FABP4: variants seen among roughly 807,000 people sequenced by gnomAD.
The protein encoded by FABP4 is fatty acid-binding protein, adipocyte.
A neutral mutation model predicts 14.6 loss-of-function variants in FABP4; 17 were observed. That is an observed-to-expected ratio of 1.16 (90% CI 0.80 to 1.74). The LOEUF is 1.74. FABP4 is among the 40% of genes most tolerant of loss of function. FABP4 has a pLI of 0.00. For missense variants in FABP4, 149 were observed against 160.3 expected (o/e 0.93, Z 0.38); for synonymous variants, 54 against 54.6 (o/e 0.99, Z 0.05).
chr8:81,482,786 G>A (rs1273032666), intron 1 of FABP4, among the ~76,000 whole-genome samples: 3 of 152,118 alleles, frequency 2.0e-5, no homozygotes, highest in African/African-American at 7.2e-5. Flanking sequence ...CAGGCAAAGA[G>A]CTAAGTAAAC....
Position 81,478,831 on chromosome 8 carries a change from A to G in FABP4, c.*34T>C. The stretch of plus-strand genomic sequence containing the variant: ...ATCCCACAGAATGTTGTAGAGTTCA[A>G]TGCGAACTTCAGTCCAGGTCAACGT... On this transcript the variant is annotated 3_prime_UTR_variant, in exon 4 of 4. Coordinates refer to ENST00000256104, the MANE Select transcript of FABP4 (RefSeq NM_001442.3). 6.3e-7 allele frequency: 1 copy of G among 1,592,524 alleles called. No individual in the cohort carries two copies.
At chr8:81,482,720 C>T (rs530281019) in intron 1 of FABP4, among the ~76,000 whole-genome samples, 1 of 152,220 alleles carries the variant, frequency 6.6e-6, no homozygotes, top group South Asian at 2.1e-4. Flanking sequence ...TTATTGCATA[C>T]TAACTTTTTT....
At chr8:81,479,358 G>T in intron 3 of FABP4, 56 bp downstream of exon 3, 1 of 1,331,752 alleles carries the variant, frequency 7.5e-7, no homozygotes, top group Non-Finnish European at 1.1e-6. Context: ...GTGGAATAGT[G>T]ATCATGAGAT....
chr8:81,480,737 C>T, intron 1 of FABP4, 139 bp from the exon 2 acceptor site: 1 of 521,398 alleles, frequency 1.9e-6, no homozygotes, highest in Non-Finnish European at 3.1e-6. Flanking sequence ...CTAATTTAAA[C>T]AGCTCCTGCA....
intron 1 of FABP4, 87 bp from the exon 2 acceptor site, chr8:81,480,685 G>A: frequency 8.7e-7 from 1 of 1,153,612 alleles, no homozygotes; most frequent in Non-Finnish European, 1.2e-6. Flanking sequence ...GCACACAGGT[G>A]CATGTGCAGG....
At chr8:81,480,768 T>TAA (rs74275141) in intron 1 of FABP4, among the ~76,000 whole-genome samples, 170 bp from the exon 2 acceptor site, 4,334 of 130,216 alleles carry the variant, frequency 0.033, 105 homozygotes, top group South Asian at 0.051. Context: ...GGCCAATACT[T>TAA]AAAAAAAAAA....
intron 2 of FABP4, 85 bp downstream of exon 2, chr8:81,480,341 C>A: frequency 1.5e-6 from 2 of 1,317,820 alleles, no homozygotes; most frequent in Non-Finnish European, 2.1e-6. Context: ...AAATGGTGTT[C>A]CTCCTTTTAT....
At chr8:81,481,292 G>A (rs1298165409) in intron 1 of FABP4, among the ~76,000 whole-genome samples, 2 of 152,056 alleles carry the variant, frequency 1.3e-5, no homozygotes, top group Admixed American at 1.3e-4. Context: ...ATTTATAGGG[G>A]ATATTTAAAA....
intron 1 of FABP4, among the ~76,000 whole-genome samples, chr8:81,482,515 G>A (rs1056120760): frequency 6.6e-6 from 1 of 152,124 alleles, no homozygotes; most frequent in Non-Finnish European, 1.5e-5. Context: ...GGCATACTAT[G>A]TCATTTCTAG....
intron 1 of FABP4, among the ~76,000 whole-genome samples, chr8:81,481,849 T>A (rs1219899980): frequency 6.6e-6 from 1 of 152,188 alleles, no homozygotes; most frequent in Non-Finnish European, 1.5e-5. Context: ...TTTTATTTGA[T>A]GATGAAGACA....
chr8:81,480,682 G>A, intron 1 of FABP4, 84 bp from the exon 2 acceptor site: 1 of 1,234,990 alleles, frequency 8.1e-7, no homozygotes, highest in South Asian at 1.8e-5. Context: ...TGTGCACACA[G>A]GTGCATGTGC....
rs1454273688 is a variant in FABP4, at chr8:81,478,721, G to A, written c.*144C>T. 7.5e-6 allele frequency: 5 copies of A among 662,606 alleles called. No homozygotes were observed. Among genetic ancestry groups the A allele is most frequent in the South Asian group, 5.2e-5 (2 of 38,508 alleles). The allele number at this position is 662,606 out of a possible 1,614,324, so 41.0% of individuals were successfully genotyped here. A position where few individuals can be genotyped will look rare whatever the true frequency, so the allele number is the denominator to read the frequency against. On this transcript the variant is annotated 3_prime_UTR_variant, in exon 4 of 4. Coordinates refer to ENST00000256104, the MANE Select transcript of FABP4 (RefSeq NM_001442.3). ...TCTAAAAAAAGTTTATTTAACCAAC[G>A]TAACCATATTGAATAAAATCAGCTT...
rs1315506569 is a variant in FABP4, at chr8:81,479,444, C to G, written c.318G>C (p.Lys106Asn). 6 of 1,613,394 alleles carry G rather than the reference C, an allele frequency of 3.7e-6. No individual in the cohort carries two copies. Among genetic ancestry groups the G allele is most frequent in the Non-Finnish European group, 5.1e-6 (6 of 1,179,502 alleles). ...QKWDGKSTTI[K>N]RKREDDKLVV... Reference sequence around the variant, plus strand: ...CCAGTTTATCATCCTCTCGTTTTCTCTTTATGGTGGTTGATTTTCCATCCC... The same window carrying G: ...CCAGTTTATCATCCTCTCGTTTTCTGTTTATGGTGGTTGATTTTCCATCCC... The change falls in exon 3 of 4, where the codon AAG becomes AAC. Residue 106 changes from lysine (K) to asparagine (N), a missense_variant. Transcript: ENST00000256104.
chr8:81,478,952 T>C (rs1027749864), intron 3 of FABP4, 37 bp from the exon 4 acceptor site: 1 of 1,476,358 alleles, frequency 6.8e-7, no homozygotes, highest in Non-Finnish European at 9.4e-7. Flanking sequence ...AATCACTGGA[T>C]TAAACCATGG....
chr8:81,479,541 C>T (rs1245505173), intron 2 of FABP4, 26 bp from the exon 3 acceptor site: 2 of 1,578,624 alleles, frequency 1.3e-6, no homozygotes, highest in Non-Finnish European at 1.7e-6. Flanking sequence ...AATGTAATGA[C>T]AATGTGCAGA....
At chr8:81,480,384 A>G (rs1808059042) in intron 2 of FABP4, 42 bp downstream of exon 2, 3 of 1,567,696 alleles carry the variant, frequency 1.9e-6, no homozygotes, top group African/African-American at 2.7e-5. Flanking sequence ...GTGGTGATTT[A>G]GAAACCAGGC....
chr8:81,479,047 C>CCATA (rs1482292650), intron 3 of FABP4, 132 bp from the exon 4 acceptor site: 1 of 739,814 alleles, frequency 1.4e-6, no homozygotes, highest in Non-Finnish European at 2.3e-6. Flanking sequence ...TATATGTAAC[C>CCATA]CATATATTGT....
rs1054135 is a variant in FABP4 at position 81,478,525 on chromosome 8, C to T, written c.*340G>A. On this transcript the variant is annotated 3_prime_UTR_variant, in exon 4 of 4. Coordinates refer to ENST00000256104, the MANE Select transcript of FABP4 (RefSeq NM_001442.3). ...TTCAGTAATGGTACATACTTGTTAT[C>T]TCCTACCTAGGGAAATCCATAGATA... 31,444 of 189,768 alleles carry T rather than the reference C, an allele frequency of 0.17. 4,074 individuals are homozygous for T. Among genetic ancestry groups the T allele is most frequent in the East Asian group, 0.67 (5,061 of 7,608 alleles). 11.8% of individuals were successfully genotyped at this position (189,768 alleles called of 1,614,324 possible).
chr8:81,478,945 C>T, intron 3 of FABP4, 30 bp from the exon 4 acceptor site: 1 of 1,579,224 alleles, frequency 6.3e-7, no homozygotes, highest in Non-Finnish European at 8.7e-7. Context: ...CTTGGTCAAT[C>T]ACTGGATTAA....
Sources: allele counts gnomAD v4.1 joint callset (sites outside exome capture counted in the v4.1 genomes callset), GRCh38; gene constraint gnomAD v4.1.1; transcripts MANE v1.5; gene names NCBI Gene and HGNC (gene_info 2026-07-23, HGNC 2026-07-21).